The following CNTN2 variants were observed in gnomAD, a reference collection of about 807,000 sequenced individuals.
The protein encoded by CNTN2 is contactin 2.
Under a neutral mutation model 117.5 loss-of-function variants are expected in CNTN2, and 53 were observed. The ratio of observed to expected loss-of-function variants is 0.45; its 90% CI spans 0.36 to 0.57. The LOEUF (loss-of-function observed/expected upper bound fraction) is 0.57. Ranked by LOEUF, CNTN2 falls within the 20% of genes least tolerant of loss-of-function variation. The probability of loss-of-function intolerance (pLI) is 0.00; values close to 1 mark genes in which losing one functional copy is unlikely to be tolerated. For missense variants in CNTN2, 1,106 were observed against 1,404.3 expected (o/e 0.79, Z 3.39); for synonymous variants, 530 against 561.7 (o/e 0.94, Z 0.80).
At chr1:205,052,676 A>C (rs1467019920) in intron 1 of CNTN2, among the ~76,000 whole-genome samples, 1 of 152,152 alleles carries the variant, frequency 6.6e-6, no homozygotes, top group Non-Finnish European at 1.5e-5. Context: ...GGGAAGGGGC[A>C]GGGGGAAAGT....
Position 205,073,304 on chromosome 1 carries a change from A to G in CNTN2, c.3013+68A>G. 1 of 1,549,670 alleles carries G rather than the reference A, an allele frequency of 6.5e-7. No individual in the cohort carries two copies. The highest frequency in any genetic ancestry group is 2.3e-5 in the East Asian group (1 of 44,350). On this transcript the variant is annotated intron_variant, in intron 22 of 22. Transcript: ENST00000331830. The surrounding 1 kb of genome is among the most constrained non-coding windows in gnomAD (Gnocchi z 6.3). ...ATCCACCCAGATACCTGAGAGGATC[A>G]TTCCCACCCAGGCCAACTCCAATCT... is the stretch of plus-strand genomic sequence containing the variant.
chr1:205,053,312 C>A, intron 2 of CNTN2, 57 bp downstream of exon 2: 2 of 1,417,088 alleles, frequency 1.4e-6, no homozygotes, highest in Non-Finnish European at 1.9e-6. Context: ...GTGTTATATC[C>A]TTGCTATGAT....
At position 205,058,106 on chromosome 1, in the gene CNTN2, C is replaced by T. The variant is rs1334579029; in HGVS notation, c.215+41C>T. On this transcript the variant is annotated intron_variant, in intron 3 of 22. Transcript: ENST00000331830. The surrounding 1 kb of genome is among the most constrained non-coding windows in gnomAD (Gnocchi z 4.3). ...TGGGTGCTGGGAGGCCCTGGGCAGC[C>T]GTTGAACTTTCCCTCTCATCAGCCC... The T allele has an allele frequency of 7.5e-6, 12 of 1,605,356 alleles. No homozygotes were observed. The highest frequency in any genetic ancestry group is 1.7e-4 in the Middle Eastern group (1 of 6,060).
At chr1:205,067,319 C>T in intron 16 of CNTN2, 69 bp downstream of exon 16, 1 of 1,532,162 alleles carries the variant, frequency 6.5e-7, no homozygotes, top group Non-Finnish European at 8.8e-7. Flanking sequence ...ATAGGGAATG[C>T]CAAGCCAGCC....
rs1289329733 is a variant in CNTN2, at chr1:205,049,906, C to T, written c.-86-3194C>T. Reference sequence around the variant, plus strand: ...TGGAGAAGGAGTCTGGAGCCCCATGCTCTCTCCCTAGCCTCCCATGGTGGC... The same window carrying T: ...TGGAGAAGGAGTCTGGAGCCCCATGTTCTCTCCCTAGCCTCCCATGGTGGC... On this transcript the variant is annotated intron_variant, in intron 1 of 22. Transcript: ENST00000331830. 2.0e-5 allele frequency among the ~76,000 whole-genome samples: 3 copies of T among 152,282 alleles called. No homozygotes were observed. The East Asian group carries it at 5.8e-4, about 29-fold the overall frequency.
chr1:205,062,991 G>A (rs1654072065), intron 10 of CNTN2: 1 of 153,126 alleles, frequency 6.5e-6, no homozygotes, highest in African/African-American at 2.4e-5. Context: ...AGATGAAAGA[G>A]GTACAGCATA....
chr1:205,063,402 T>A (rs1320083670), intron 10 of CNTN2: 1 of 151,172 alleles, frequency 6.6e-6, no homozygotes, highest in Non-Finnish European at 1.5e-5. Context: ...CAGGGGTGAG[T>A]GGATCTCCTC....
At chr1:205,063,922 A>T (rs1654122261) in intron 10 of CNTN2, among the ~76,000 whole-genome samples, 1 of 152,092 alleles carries the variant, frequency 6.6e-6, no homozygotes, top group South Asian at 2.1e-4. Flanking sequence ...AAAAAAGGCT[A>T]GGTGATTGGA....
Position 205,050,824 on chromosome 1 carries a change from G to A in CNTN2, c.-86-2276G>A, listed in dbSNP as rs1452823205. Among the ~76,000 whole-genome samples the A allele has an allele frequency of 3.3e-5, 5 of 152,140 alleles. No homozygotes were observed. The East Asian group carries it at 9.6e-4, about 29-fold the overall frequency. On this transcript the variant is annotated intron_variant, in intron 1 of 22. Transcript: ENST00000331830. ...AGTAGAGATGGGGTTTCACCATGTT[G>A]GCCAGGCTGATCTCGAACTCCTGAC...
chr1:205,055,067 G>A (rs2096458906), intron 2 of CNTN2, among the ~76,000 whole-genome samples: 1 of 152,132 alleles, frequency 6.6e-6, no homozygotes, highest in Admixed American at 6.5e-5. Context: ...AGGCTGGAGT[G>A]CAGTGGTGTG....
chr1:205,058,036 C>T lies in CNTN2; in HGVS notation c.186C>T (p.Arg62=), dbSNP rs762058787. 2.0e-5 allele frequency: 32 copies of T among 1,613,722 alleles called. No homozygotes were observed. In the Middle Eastern group the frequency reaches 6.6e-4, roughly 33 times the overall value. ...STEEQVLLAC[R]ARASPPATYR... is the part of the protein sequence containing the mutation. ...AGGAGCAGGTGTTGCTGGCATGCCG[C>T]GCCCGGGCCAGCCCTCCAGCCACCT... The change falls in exon 3 of 23, where the codon CGC becomes CGT. Residue 62 remains arginine, a synonymous_variant. Coordinates refer to ENST00000331830, the MANE Select transcript of CNTN2 (RefSeq NM_005076.5). The surrounding 1 kb of genome is among the most constrained non-coding windows in gnomAD (Gnocchi z 4.3).
chr1:205,064,950 G>A, intron 12 of CNTN2, 137 bp from the exon 13 acceptor site: 2 of 1,198,674 alleles, frequency 1.7e-6, no homozygotes, highest in Non-Finnish European at 1.2e-6. Flanking sequence ...ATGCAGTCCT[G>A]GGCAGTTGGG....
At position 205,059,733 on chromosome 1, in the gene CNTN2, G is replaced by C; in HGVS notation, c.797+51G>C. The C allele has an allele frequency of 6.6e-7, 1 of 1,523,468 alleles. No homozygotes were observed. The highest frequency in any genetic ancestry group is 1.1e-5 in the South Asian group (1 of 89,276). 94.4% of individuals were successfully genotyped at this position (1,523,468 alleles called of 1,614,324 possible). A position where few individuals can be genotyped will look rare whatever the true frequency, so the allele number is the denominator to read the frequency against. On this transcript the variant is annotated intron_variant, in intron 7 of 22. Transcript: ENST00000331830. The surrounding 1 kb of genome is among the most constrained non-coding windows in gnomAD (Gnocchi z 5.6). ...AGAGCACGGTCTCTCGGGGGCACAG[G>C]TGACCCCAGGGTGAGGGCAGGCAGA...
At chr1:205,045,299 A>C (rs1055168628) in intron 1 of CNTN2, among the ~76,000 whole-genome samples, 4 of 151,682 alleles carry the variant, frequency 2.6e-5, no homozygotes, top group African/African-American at 4.8e-5. Context: ...TCCCGCCGCC[A>C]CCATTTCCCC....
chr1:205,051,486 G>A lies in CNTN2; in HGVS notation c.-86-1614G>A, dbSNP rs117755421. ...GTGCAGAATGTCTTGAGTTCAAGTC[G>A]AACTGAGAGTGGCAAGGACAGGGAG... On this transcript the variant is annotated intron_variant, in intron 1 of 22. Coordinates refer to ENST00000331830, the MANE Select transcript of CNTN2 (RefSeq NM_005076.5). Among the ~76,000 whole-genome samples, 116 of 152,292 alleles carry A rather than the reference G, an allele frequency of 7.6e-4. 3 individuals are homozygous for A. In the East Asian group the frequency reaches 0.016, roughly 22 times the overall value.
Position 205,072,048 on chromosome 1 carries a change from C to T in CNTN2, c.2646C>T (p.Thr882=), listed in dbSNP as rs1284606586. Residue 882 remains threonine (T), a synonymous_variant, in exon 20 of 23, where the codon ACC becomes ACT. Coordinates refer to ENST00000331830, the MANE Select transcript of CNTN2 (RefSeq NM_005076.5). The part of the protein sequence containing the change: ...SARVSGLHPN[T]KYHVTVRAYN... The stretch of plus-strand genomic sequence containing the variant: ...GAGTCAGCGGCCTGCATCCCAACAC[C>T]AAGTACCATGTGACCGTGAGGGCCT... 1.2e-6 allele frequency: 2 copies of T among 1,614,162 alleles called. No individual in the cohort carries two copies. The highest frequency in any genetic ancestry group is 1.7e-5 in the Admixed American group (1 of 60,024).
intron 17 of CNTN2, 91 bp from the exon 18 acceptor site, chr1:205,069,736 C>A: frequency 6.8e-7 from 1 of 1,478,714 alleles, no homozygotes; most frequent in South Asian, 1.2e-5. Flanking sequence ...GCGTCCAGGG[C>A]CGCTACTCTT....
rs1252074103 is a variant in CNTN2, at chr1:205,058,332, A to T, written c.367A>T (p.Arg123Trp). 2 of 1,525,722 alleles carry T rather than the reference A, an allele frequency of 1.3e-6. No homozygotes were observed. Among genetic ancestry groups the T allele is most frequent in the Non-Finnish European group, 1.8e-6 (2 of 1,135,148 alleles). The allele number at this position is 1,525,722 out of a possible 1,614,324, so 94.5% of individuals were successfully genotyped here. A position where few individuals can be genotyped will look rare whatever the true frequency, so the allele number is the denominator to read the frequency against. The change falls in exon 4 of 23, where the codon AGG becomes TGG. Residue 123 changes from arginine to tryptophan, a missense_variant. By Grantham distance (101) the Arg-to-Trp change is moderately radical (BLOSUM62 -3). Transcript: ENST00000331830. The surrounding 1 kb of genome is among the most constrained non-coding windows in gnomAD (Gnocchi z 4.3). ...ASNPVGTVVS[R>W]EAILRFGFLQ... is the part of the protein sequence containing the mutation. ...CAACCCAGTGGGCACCGTTGTCAGCAGGGAGGCCATCCTCCGCTTCGGCTG... is the reference window on the plus strand; with the variant it reads ...CAACCCAGTGGGCACCGTTGTCAGCTGGGAGGCCATCCTCCGCTTCGGCTG...
chr1:205,059,762 A>G lies in CNTN2; in HGVS notation c.797+80A>G. The stretch of plus-strand genomic sequence containing the variant: ...CCCCAGGGTGAGGGCAGGCAGAGTC[A>G]GGGCTCTTATCTTGGTGTCCCTCAC... On this transcript the variant is annotated intron_variant, in intron 7 of 22. Coordinates refer to ENST00000331830, the MANE Select transcript of CNTN2 (RefSeq NM_005076.5). This position sits in a 1 kb window ranked among gnomAD's most constrained non-coding sequence, Gnocchi z 5.6. The G allele has an allele frequency of 8.5e-7, 1 of 1,177,430 alleles. No individual in the cohort carries two copies. Among genetic ancestry groups the G allele is most frequent in the South Asian group, 1.2e-5 (1 of 81,400 alleles). The allele number at this position is 1,177,430 out of a possible 1,614,324, so 72.9% of individuals were successfully genotyped here.
Sources: gnomAD v4.1 joint callset for allele counts (sites outside exome capture counted in the v4.1 genomes callset) on GRCh38, gnomAD v4.1.1 for gene constraint, Gnocchi (gnomAD v3.1) non-coding constraint, MANE v1.5 for transcripts, NCBI Gene and HGNC (gene_info 2026-07-23, HGNC 2026-07-21) for gene names.